The following PLCL1 variants were observed in gnomAD, a reference collection of about 807,000 sequenced individuals.
PLCL1 encodes phospholipase C like 1 (inactive), also known as inactive phospholipase C-like protein 1.
A neutral mutation model predicts 84.4 loss-of-function variants in PLCL1; 41 were observed. That is an observed-to-expected ratio of 0.49 (90% CI 0.38 to 0.63). The LOEUF (loss-of-function observed/expected upper bound fraction) is 0.63. Among genes scored for constraint, PLCL1 ranks in the 30% least tolerant of loss-of-function variants. The pLI is 0.00. For synonymous variants in PLCL1, 490 were observed against 488.3 expected (o/e 1.00, Z -0.05); for missense variants, 1,206 against 1,367.8 (o/e 0.88, Z 1.87).
intron 1 of PLCL1, among the ~76,000 whole-genome samples, chr2:198,065,307 A>G (rs1399201711): frequency 1.3e-5 from 2 of 152,166 alleles, no homozygotes; most frequent in Admixed American, 1.3e-4. Context: ...TAAGGCTTTC[A>G]ACTTTCCAGA....
At chr2:198,097,815 A>G (rs950460680) in intron 3 of PLCL1, among the ~76,000 whole-genome samples, 18 of 152,190 alleles carry the variant, frequency 1.2e-4, no homozygotes, top group African/African-American at 4.3e-4. Context: ...GCATACACCA[A>G]AGGCAGTGGA....
intron 1 of PLCL1, among the ~76,000 whole-genome samples, chr2:197,917,486 G>A (rs1290075307): frequency 6.6e-6 from 1 of 152,190 alleles, no homozygotes; most frequent in African/African-American, 2.4e-5. Context: ...GGTTGAGTAG[G>A]TGAAGTACAG....
chr2:197,962,776 A>G (rs1415930646), intron 1 of PLCL1, among the ~76,000 whole-genome samples: 2 of 151,840 alleles, frequency 1.3e-5, no homozygotes, highest in African/African-American at 4.8e-5. Context: ...TTATCTTTCT[A>G]CTATCTCCAT....
intron 1 of PLCL1, among the ~76,000 whole-genome samples, chr2:198,060,430 A>G (rs1692165307): frequency 6.6e-6 from 1 of 152,150 alleles, no homozygotes; most frequent in Non-Finnish European, 1.5e-5. Flanking sequence ...GAGAGTGCTG[A>G]ATGTTGTAGT....
intron 1 of PLCL1, among the ~76,000 whole-genome samples, chr2:198,029,551 A>G (rs1691356298): frequency 6.6e-6 from 1 of 152,106 alleles, no homozygotes; most frequent in Admixed American, 6.5e-5. Flanking sequence ...GACAAATGAA[A>G]GTGGGATATG....
intron 1 of PLCL1, among the ~76,000 whole-genome samples, chr2:197,846,042 G>C (rs1315175524): frequency 6.6e-6 from 1 of 152,002 alleles, no homozygotes; most frequent in Non-Finnish European, 1.5e-5. Flanking sequence ...GGGTCTGGTC[G>C]AACAGTCTAC....
intron 1 of PLCL1, among the ~76,000 whole-genome samples, chr2:197,983,564 G>A (rs2105806983): frequency 6.6e-6 from 1 of 152,222 alleles, no homozygotes; most frequent in East Asian, 1.9e-4. Flanking sequence ...AGGTTTATTA[G>A]CATAATATCT....
At chr2:198,111,044 G>A (rs1424567351) in intron 5 of PLCL1, among the ~76,000 whole-genome samples, 1 of 151,862 alleles carries the variant, frequency 6.6e-6, no homozygotes, top group Non-Finnish European at 1.5e-5. Flanking sequence ...GTGATTAAGT[G>A]TACAGACGCT....
chr2:197,919,360 A>T (rs1688662782), intron 1 of PLCL1, among the ~76,000 whole-genome samples: 1 of 152,256 alleles, frequency 6.6e-6, no homozygotes, highest in Admixed American at 6.5e-5. Flanking sequence ...ATAGTTTTGT[A>T]CTGAAGCACA....
intron 1 of PLCL1, among the ~76,000 whole-genome samples, chr2:197,828,242 T>C (rs1690975655): frequency 6.6e-6 from 1 of 152,142 alleles, no homozygotes; most frequent in African/African-American, 2.4e-5. Context: ...AGAGGTTGGT[T>C]GGTTCACGGG....
intron 1 of PLCL1, among the ~76,000 whole-genome samples, chr2:197,897,186 CTT>C (rs1559038671): frequency 0.078 from 1,904 of 24,418 alleles, 64 homozygotes; most frequent in African/African-American, 0.11. Flanking sequence ...TCTTCTTCTT[CTT>C]CTCCTTCTCC....
intron 1 of PLCL1, among the ~76,000 whole-genome samples, chr2:198,032,406 A>T (rs1211009059): frequency 6.6e-6 from 1 of 152,210 alleles, no homozygotes; most frequent in Non-Finnish European, 1.5e-5. Context: ...GTGACAAGAG[A>T]TTGCCTCAGA....
At chr2:197,879,349 A>G (rs940051646) in intron 1 of PLCL1, among the ~76,000 whole-genome samples, 1 of 152,206 alleles carries the variant, frequency 6.6e-6, no homozygotes, top group African/African-American at 2.4e-5. Context: ...CAAATAAAAG[A>G]GAACACAAAT....
chr2:197,917,678 G>A (rs1688622716), intron 1 of PLCL1, among the ~76,000 whole-genome samples: 4 of 152,100 alleles, frequency 2.6e-5, no homozygotes, highest in Admixed American at 2.6e-4. Flanking sequence ...GTGACAAGAC[G>A]ATAAAAGGAA....
chr2:197,884,478 T>TC (rs1687883792), intron 1 of PLCL1, among the ~76,000 whole-genome samples: 1 of 152,196 alleles, frequency 6.6e-6, no homozygotes, highest in Non-Finnish European at 1.5e-5. Context: ...GGAAATGTAG[T>TC]CTTTTAGCTG....
chr2:197,812,616 A>T (rs1690610148), intron 1 of PLCL1, among the ~76,000 whole-genome samples: 1 of 152,240 alleles, frequency 6.6e-6, no homozygotes, highest in South Asian at 2.1e-4. Flanking sequence ...AAAGATGCTA[A>T]GTATGTACTA....
In PLCL1 at chr2:198,146,792, CT is replaced by C. The variant is rs1335381410; in HGVS notation, c.3119del (p.Leu1040ArgfsTer2). The C allele has an allele frequency of 6.2e-7, 1 of 1,612,022 alleles. No homozygotes were observed. Among genetic ancestry groups the C allele is most frequent in the Non-Finnish European group, 8.5e-7 (1 of 1,179,072 alleles). ...TTTCTGTTTGTAGGGCCAAGGAGATCTGTTGAAGAATGCCAAGAATGAAGCT... is the reference window on the plus strand; with the variant it reads ...TTTCTGTTTGTAGGGCCAAGGAGATCGTTGAAGAATGCCAAGAATGAAGCT... ...NITVLKGQGD[L>X]LKNAKNEAIE... is the part of the protein sequence containing the mutation. On this transcript the variant is annotated frameshift_variant, in exon 6 of 6. Coordinates refer to ENST00000428675, the MANE Select transcript of PLCL1 (RefSeq NM_006226.4). LOFTEE classifies it high-confidence loss of function.
intron 1 of PLCL1, among the ~76,000 whole-genome samples, chr2:197,931,986 G>C (rs1688944799): frequency 6.6e-6 from 1 of 152,158 alleles, no homozygotes; most frequent in Non-Finnish European, 1.5e-5. Context: ...GCATAGAGCA[G>C]AACTGGACTA....
intron 1 of PLCL1, among the ~76,000 whole-genome samples, chr2:198,024,762 CA>C (rs74507483): frequency 8.6e-4 from 120 of 139,164 alleles, no homozygotes; most frequent in South Asian, 7.5e-3. Context: ...AAATCTATCT[CA>C]AAAAAAAAAA....
Sources: allele counts gnomAD v4.1 joint callset (sites outside exome capture counted in the v4.1 genomes callset), GRCh38; gene constraint gnomAD v4.1.1; transcripts MANE v1.5; gene names NCBI Gene and HGNC (gene_info 2026-07-23, HGNC 2026-07-21).